The following NKAIN3 variants were observed in gnomAD, a reference collection of about 807,000 sequenced individuals.
NKAIN3 encodes the protein sodium/potassium-transporting ATPase subunit beta-1-interacting protein 3.
Under a neutral mutation model 30.2 loss-of-function variants are expected in NKAIN3, and 25 were observed. The observed-to-expected ratio is 0.83, with a 90% CI of 0.60 to 1.16. NKAIN3 has a LOEUF of 1.16. Among genes scored for constraint, NKAIN3 ranks in the 50% most tolerant of loss-of-function variants. The pLI is 0.00. For synonymous variants in NKAIN3, 91 were observed against 89.6 expected, an observed-to-expected ratio of 1.02 and a Z score of -0.09; for missense variants, 225 against 254.1, an observed-to-expected ratio of 0.89 and a Z score of 0.78.
chr8:62,646,043 G>A lies in NKAIN3; in HGVS notation c.273+56249G>A, dbSNP rs562707463. ...AATACATACCAAAATCTTTGGAGATGGAGTTATTATATTGCAATGGCTATT... is the reference window on the plus strand; with the variant it reads ...AATACATACCAAAATCTTTGGAGATAGAGTTATTATATTGCAATGGCTATT... On this transcript the variant is annotated intron_variant, in intron 3 of 6. Transcript: ENST00000623646. 7.3e-5 allele frequency among the ~76,000 whole-genome samples: 11 copies of A among 151,498 alleles called. No homozygotes were observed. In the South Asian group the frequency reaches 2.1e-3, roughly 29 times the overall value.
intron 4 of NKAIN3, among the ~76,000 whole-genome samples, chr8:62,864,882 G>T (rs1340881837): frequency 6.6e-6 from 1 of 152,154 alleles, no homozygotes; most frequent in Non-Finnish European, 1.5e-5. Context: ...GTTCCATAGA[G>T]GTTTTAATAG....
chr8:62,755,189 A>T (rs1271685952), intron 4 of NKAIN3, among the ~76,000 whole-genome samples: 1 of 152,178 alleles, frequency 6.6e-6, no homozygotes, highest in Non-Finnish European at 1.5e-5. Flanking sequence ...TGTGCCCAAG[A>T]TCCCACAGCT....
chr8:62,863,646 G>A lies in NKAIN3; in HGVS notation c.472-54807G>A, dbSNP rs1468721953. On this transcript the variant is annotated intron_variant, in intron 4 of 6. Transcript: ENST00000623646. ...ACCATGTCTTTGTTTGGGTCACTGG[G>A]ATAACTTTCTCGAACACATTTGAGC... The A allele has an allele frequency of 8.5e-6, 11 of 1,287,428 alleles. No individual in the cohort carries two copies. In the Admixed American group the frequency reaches 1.2e-4, roughly 14 times the overall value. 79.8% of individuals were successfully genotyped at this position (1,287,428 alleles called of 1,614,324 possible).
chr8:62,921,028 C>T (rs1267555818), intron 5 of NKAIN3, among the ~76,000 whole-genome samples: 3 of 152,220 alleles, frequency 2.0e-5, no homozygotes, highest in Admixed American at 2.0e-4. Flanking sequence ...TGTCTGAAGC[C>T]AATTGCAATG....
At chr8:62,822,479 A>G (rs898115012) in intron 4 of NKAIN3, among the ~76,000 whole-genome samples, 7 of 152,176 alleles carry the variant, frequency 4.6e-5, no homozygotes, top group Admixed American at 3.3e-4. Context: ...ATTAGAATGA[A>G]AGTATCCCAA....
At chr8:62,385,206 T>C (rs1817388847) in intron 1 of NKAIN3, among the ~76,000 whole-genome samples, 1 of 152,176 alleles carries the variant, frequency 6.6e-6, no homozygotes, top group Non-Finnish European at 1.5e-5. Flanking sequence ...CATAATCCTC[T>C]GCACTATCAT....
intron 3 of NKAIN3, among the ~76,000 whole-genome samples, chr8:62,613,702 G>GT (rs1811360070): frequency 1.3e-5 from 2 of 151,842 alleles, no homozygotes; most frequent in Admixed American, 1.3e-4. Flanking sequence ...ATGTTTTATT[G>GT]TTTTTTATTC....
At chr8:62,338,060 T>C (rs1815623627) in intron 1 of NKAIN3, among the ~76,000 whole-genome samples, 1 of 152,064 alleles carries the variant, frequency 6.6e-6, no homozygotes, top group South Asian at 2.1e-4. Flanking sequence ...TTGATATATG[T>C]TATTTATTAT....
At chr8:62,405,322 C>T (rs1252185309) in intron 1 of NKAIN3, among the ~76,000 whole-genome samples, 1 of 152,194 alleles carries the variant, frequency 6.6e-6, no homozygotes, top group Non-Finnish European at 1.5e-5. Context: ...CAGCACAGTA[C>T]CAAGACTTGA....
At chr8:62,752,891 T>C (rs1225257298) in intron 4 of NKAIN3, among the ~76,000 whole-genome samples, 4 of 152,152 alleles carry the variant, frequency 2.6e-5, no homozygotes, top group Non-Finnish European at 5.9e-5. Flanking sequence ...AGAGAAAACA[T>C]ACTGTCAAAT....
At position 62,970,944 on chromosome 8, in the gene NKAIN3, A is replaced by G. The variant is rs7834301; in HGVS notation, c.*5537A>G. 0.1 allele frequency among the ~76,000 whole-genome samples: 15,442 copies of G among 152,294 alleles called. 839 individuals carry two copies. The highest frequency in any genetic ancestry group is 0.15 in the African/African-American group (6,267 of 41,554). On this transcript the variant is annotated 3_prime_UTR_variant, in exon 7 of 7. Transcript: ENST00000623646. Reference sequence around the variant, plus strand: ...GTTAGGATTAGGTTTACCTACAAGTAACAGAAAAAGAAAAATGACAATGGA... The same window carrying G: ...GTTAGGATTAGGTTTACCTACAAGTGACAGAAAAAGAAAAATGACAATGGA...
At chr8:62,341,438 G>A (rs770246247) in intron 1 of NKAIN3, among the ~76,000 whole-genome samples, 3 of 151,964 alleles carry the variant, frequency 2.0e-5, no homozygotes, top group Non-Finnish European at 2.9e-5. Context: ...ACCTTGAAGT[G>A]CATGTAATCA....
intron 5 of NKAIN3, among the ~76,000 whole-genome samples, chr8:62,940,511 G>T (rs184948805): frequency 1.3e-5 from 2 of 152,124 alleles, no homozygotes; most frequent in East Asian, 3.9e-4. Flanking sequence ...TGGACCATAA[G>T]ATAGCCCACA....
chr8:62,374,228 A>T (rs1454874844), intron 1 of NKAIN3, among the ~76,000 whole-genome samples: 1 of 152,094 alleles, frequency 6.6e-6, no homozygotes, highest in Non-Finnish European at 1.5e-5. Flanking sequence ...TCAAAATGAG[A>T]AGGTTTTTAG....
chr8:62,399,125 A>G (rs779283348), intron 1 of NKAIN3, among the ~76,000 whole-genome samples: 2 of 152,288 alleles, frequency 1.3e-5, no homozygotes, highest in East Asian at 3.9e-4. Context: ...CAAAATTTAT[A>G]TGGGATAAAA....
At chr8:62,432,767 T>G (rs190867415) in intron 1 of NKAIN3, among the ~76,000 whole-genome samples, 197 of 152,270 alleles carry the variant, frequency 1.3e-3, no homozygotes, top group African/African-American at 4.6e-3. Flanking sequence ...GTAATGAGTC[T>G]AAGAACAGGA....
intron 4 of NKAIN3, among the ~76,000 whole-genome samples, chr8:62,795,979 A>G (rs1817848714): frequency 6.6e-6 from 1 of 152,158 alleles, no homozygotes; most frequent in Non-Finnish European, 1.5e-5. Flanking sequence ...AAAACCTTTC[A>G]AAGACCCTTT....
At chr8:62,737,576 T>C (rs943169189) in intron 3 of NKAIN3, among the ~76,000 whole-genome samples, 1 of 152,188 alleles carries the variant, frequency 6.6e-6, no homozygotes, top group African/African-American at 2.4e-5. Flanking sequence ...TTTTATCTCC[T>C]GTGGCAATTC....
In NKAIN3 at chr8:62,971,428, C is replaced by T. The variant is rs917724139; in HGVS notation, c.*6021C>T. On this transcript the variant is annotated 3_prime_UTR_variant, in exon 7 of 7. Coordinates refer to ENST00000623646, the MANE Select transcript of NKAIN3 (RefSeq NM_001304533.3). Reference sequence around the variant, plus strand: ...AAGGCGTGCAGATCACTTGAGCTTACGAGTTCGAGACCAGCCTGAGCAACA... The same window carrying T: ...AAGGCGTGCAGATCACTTGAGCTTATGAGTTCGAGACCAGCCTGAGCAACA... Among the ~76,000 whole-genome samples, 12 of 152,080 alleles carry T rather than the reference C, an allele frequency of 7.9e-5. No homozygotes were observed. Among genetic ancestry groups the T allele is most frequent in the African/African-American group, 1.4e-4 (6 of 41,424 alleles).
Sources: gnomAD v4.1 joint callset for allele counts (sites outside exome capture counted in the v4.1 genomes callset) on GRCh38, gnomAD v4.1.1 for gene constraint, MANE v1.5 for transcripts, NCBI Gene and HGNC (gene_info 2026-07-23, HGNC 2026-07-21) for gene names.